KIF2A: variants seen among roughly 807,000 people sequenced by gnomAD.
KIF2A encodes kinesin-like protein KIF2A.
A neutral mutation model predicts 100.2 loss-of-function variants in KIF2A; 22 were observed. The ratio of observed to expected loss-of-function variants is 0.22; its 90% CI spans 0.16 to 0.31. The LOEUF (loss-of-function observed/expected upper bound fraction) is 0.31. KIF2A is among the 10% of genes least tolerant of loss of function. KIF2A has a pLI of 1.00. For synonymous variants in KIF2A, 268 were observed against 285.9 expected, an observed-to-expected ratio of 0.94 and a Z score of 0.63; for missense variants, 495 against 898.7, an observed-to-expected ratio of 0.55 and a Z score of 5.74.
rs1742131047 is a variant in KIF2A, at chr5:62,388,284, C to A, written c.*2715C>A. 6.6e-6 allele frequency: 1 copy of A among 152,174 alleles called. No individual in the cohort carries two copies. Among genetic ancestry groups the A allele is most frequent in the South Asian group, 2.1e-4 (1 of 4,828 alleles). 9.4% of individuals were successfully genotyped at this position (152,174 alleles called of 1,614,324 possible). On this transcript the variant is annotated 3_prime_UTR_variant, in exon 21 of 21. Transcript: ENST00000407818. ...AATTTTGCTAAGCCTATAGTTATCT[C>A]CCTAAGAACCATAAAAAAAGATAAT... is the stretch of plus-strand genomic sequence containing the variant.
At chr5:62,333,805 G>A (rs1746776760) in intron 1 of KIF2A, among the ~76,000 whole-genome samples, 1 of 152,114 alleles carries the variant, frequency 6.6e-6, no homozygotes, top group African/African-American at 2.4e-5. Context: ...AACAGGACAA[G>A]CTCTGACTCT....
intron 1 of KIF2A, chr5:62,306,835 C>T (rs1407899288): frequency 2.8e-5 from 11 of 395,384 alleles, no homozygotes; most frequent in South Asian, 2.7e-4. Flanking sequence ...CGCTCCTCCT[C>T]CCGCAATCTC....
intron 1 of KIF2A, among the ~76,000 whole-genome samples, chr5:62,337,609 A>T (rs1350829287): frequency 6.6e-6 from 1 of 152,098 alleles, no homozygotes; most frequent in Non-Finnish European, 1.5e-5. Flanking sequence ...GATGCAGGGG[A>T]ATTGCTTGAG....
At chr5:62,373,649 A>G (rs1374628457) in intron 17 of KIF2A, 38 bp from the exon 18 acceptor site, 2 of 1,515,180 alleles carry the variant, frequency 1.3e-6, no homozygotes, top group South Asian at 1.1e-5. Context: ...CCTCTGCATG[A>G]GTGTTTTTAA....
At position 62,389,778 on chromosome 5, in the gene KIF2A, TTC is replaced by T. The variant is rs1183896306; in HGVS notation, c.*4215_*4216del. Among the ~76,000 whole-genome samples, 5 of 152,180 alleles carry T rather than the reference TTC, an allele frequency of 3.3e-5. No individual in the cohort carries two copies. The highest frequency in any genetic ancestry group is 2.6e-4 in the Admixed American group (4 of 15,274). On this transcript the variant is annotated 3_prime_UTR_variant, in exon 21 of 21. Transcript: ENST00000407818. ...TATATTCAAATTAAATACACATTGT[TTC>T]TCTCTGTAGATACCTATGTACTTAA...
intron 1 of KIF2A, among the ~76,000 whole-genome samples, chr5:62,326,492 A>G (rs189887393): frequency 1.8e-4 from 28 of 152,200 alleles, no homozygotes; most frequent in Admixed American, 3.3e-4. Flanking sequence ...ATCTGTGCCT[A>G]TATGACTGCC....
chr5:62,341,781 A>G (rs1336863225), intron 1 of KIF2A, among the ~76,000 whole-genome samples: 1 of 152,074 alleles, frequency 6.6e-6, no homozygotes, highest in Non-Finnish European at 1.5e-5. Flanking sequence ...TGGGAATACC[A>G]TGGTAGATGC....
intron 5 of KIF2A, chr5:62,353,071 A>G: frequency 4.5e-6 from 2 of 448,120 alleles, no homozygotes; most frequent in Non-Finnish European, 8.0e-6. Context: ...TGTTTGAGTC[A>G]TTTTTCTGGA....
intron 13 of KIF2A, 46 bp from the exon 14 acceptor site, chr5:62,363,649 A>G (rs748698298): frequency 5.3e-6 from 8 of 1,506,588 alleles, no homozygotes; most frequent in Non-Finnish European, 5.5e-6. Flanking sequence ...TTGAACATGT[A>G]AATTGAAGTT....
chr5:62,373,975 G>C, intron 18 of KIF2A, 138 bp downstream of exon 18: 1 of 681,876 alleles, frequency 1.5e-6, no homozygotes, highest in Non-Finnish European at 2.5e-6. Context: ...CAATTTGGGA[G>C]GCTGAGTGAG....
rs895796326 is a variant in KIF2A at position 62,388,178 on chromosome 5, T to C, written c.*2609T>C. The C allele has an allele frequency of 7.9e-5, 12 of 152,158 alleles. No homozygotes were observed. Among genetic ancestry groups the C allele is most frequent in the Non-Finnish European group, 1.5e-5 (1 of 68,018 alleles). 9.4% of individuals were successfully genotyped at this position (152,158 alleles called of 1,614,324 possible). On this transcript the variant is annotated 3_prime_UTR_variant, in exon 21 of 21. Coordinates refer to ENST00000407818, the MANE Select transcript of KIF2A (RefSeq NM_001098511.3). ...GGAAATTTTAATTGTCCAGAAATCA[T>C]AGGAATACTGGGAACCTGTAGTTAT...
chr5:62,322,866 T>G (rs1427669557), intron 1 of KIF2A, among the ~76,000 whole-genome samples: 1 of 120,642 alleles, frequency 8.3e-6, no homozygotes, highest in Non-Finnish European at 1.7e-5. Flanking sequence ...GTTTTTGGGT[T>G]TTTTTTTTTA....
At chr5:62,323,039 A>G (rs1746184939) in intron 1 of KIF2A, among the ~76,000 whole-genome samples, 1 of 151,254 alleles carries the variant, frequency 6.6e-6, no homozygotes, top group South Asian at 2.1e-4. Context: ...GACAGATCAC[A>G]TGAGGTCGGG....
intron 6 of KIF2A, among the ~76,000 whole-genome samples, 198 bp from the exon 7 acceptor site, chr5:62,354,961 A>G (rs1270755123): frequency 6.6e-6 from 1 of 152,174 alleles, no homozygotes; most frequent in African/African-American, 2.4e-5. Flanking sequence ...TTGTGTTTGT[A>G]AAACACAATT....
At position 62,342,184 on chromosome 5, in the gene KIF2A, T is replaced by G. The variant is rs373023950; in HGVS notation, c.65-4946T>G. 1.8e-4 allele frequency among the ~76,000 whole-genome samples: 27 copies of G among 152,250 alleles called. 1 individual carries two copies. The East Asian group carries it at 3.5e-3, about 20-fold the overall frequency. ...TATATTGTGGGGCTGCCACGGGCAGTTGGGGAAAGGATGGCTGCCAGGTCT... is the reference window on the plus strand; with the variant it reads ...TATATTGTGGGGCTGCCACGGGCAGGTGGGGAAAGGATGGCTGCCAGGTCT... On this transcript the variant is annotated intron_variant, in intron 1 of 20. Transcript: ENST00000407818.
At position 62,377,732 on chromosome 5, in the gene KIF2A, A is replaced by G; in HGVS notation, c.1983A>G (p.Gln661=). The change falls in exon 19 of 21, where the codon CAA becomes CAG. Residue 661 remains glutamine, a synonymous_variant. Transcript: ENST00000407818. The part of the protein sequence containing the change: ...AVSQMVEMEE[Q]VVEDHRAVFQ... ...CACAAATGGTAGAAATGGAAGAACA[A>G]GTTGTAGAAGATCACAGGGCAGTGT... The G allele has an allele frequency of 1.3e-6, 2 of 1,554,034 alleles. No individual in the cohort carries two copies. The highest frequency in any genetic ancestry group is 1.7e-6 in the Non-Finnish European group (2 of 1,146,632).
At position 62,385,647 on chromosome 5, in the gene KIF2A, A is replaced by T; in HGVS notation, c.*78A>T. ...ACGGTTCAGCTGTAAGGGCCATTTGAAAGTTTGGAATTTTAAGTGTCTGTG... is the reference window on the plus strand; with the variant it reads ...ACGGTTCAGCTGTAAGGGCCATTTGTAAGTTTGGAATTTTAAGTGTCTGTG... On this transcript the variant is annotated 3_prime_UTR_variant, in exon 21 of 21. Coordinates refer to ENST00000407818, the MANE Select transcript of KIF2A (RefSeq NM_001098511.3). The T allele has an allele frequency of 1.0e-6, 1 of 989,028 alleles. No homozygotes were observed. Among genetic ancestry groups the T allele is most frequent in the Non-Finnish European group, 1.5e-6 (1 of 653,236 alleles). The allele number at this position is 989,028 out of a possible 1,614,324, so 61.3% of individuals were successfully genotyped here. A position where few individuals can be genotyped will look rare whatever the true frequency, so the allele number is the denominator to read the frequency against.
intron 19 of KIF2A, among the ~76,000 whole-genome samples, chr5:62,380,459 C>T (rs543114460): frequency 6.6e-6 from 1 of 152,240 alleles, no homozygotes. Flanking sequence ...GCCCATCTTT[C>T]ATGTGTTTGT....
intron 1 of KIF2A, among the ~76,000 whole-genome samples, chr5:62,312,463 C>A (rs1158357306): frequency 6.6e-6 from 1 of 152,186 alleles, no homozygotes; most frequent in Non-Finnish European, 1.5e-5. Context: ...AAGTTTAATT[C>A]TTGGATTCAG....
Sources: allele counts gnomAD v4.1 joint callset (sites outside exome capture counted in the v4.1 genomes callset), GRCh38; gene constraint gnomAD v4.1.1; transcripts MANE v1.5; gene names NCBI Gene and HGNC (gene_info 2026-07-23, HGNC 2026-07-21).